The following SH3GL3 variants were observed in gnomAD, a reference collection of about 807,000 sequenced individuals.
SH3GL3 encodes endophilin-A3.
A neutral mutation model predicts 47.7 loss-of-function variants in SH3GL3; 33 were observed. The ratio of observed to expected loss-of-function variants is 0.69; its 90% CI spans 0.52 to 0.92. SH3GL3 has a LOEUF of 0.92. Among genes scored for constraint, SH3GL3 ranks in the 40% least tolerant of loss-of-function variants. The pLI, the probability that SH3GL3 is intolerant of heterozygous loss-of-function variation, is 0.00. For missense variants in SH3GL3, 363 were observed against 417.8 expected, an observed-to-expected ratio of 0.87 and a Z score of 1.14; for synonymous variants, 155 against 148.8, an observed-to-expected ratio of 1.04 and a Z score of -0.30.
At chr15:83,521,481 G>A (rs2043200510) in intron 1 of SH3GL3, among the ~76,000 whole-genome samples, 1 of 152,258 alleles carries the variant, frequency 6.6e-6, no homozygotes, top group African/African-American at 2.4e-5. Flanking sequence ...GAATGGAATG[G>A]CCCAGGAGAT....
At chr15:83,486,841 C>A (rs780427477) in intron 1 of SH3GL3, among the ~76,000 whole-genome samples, 20 of 152,168 alleles carry the variant, frequency 1.3e-4, no homozygotes, top group African/African-American at 4.8e-4. Context: ...GGAAAGGGCC[C>A]GCTTCCTGGC....
chr15:83,565,148 CA>C lies in SH3GL3; in HGVS notation c.131del (p.Asn44IlefsTer25), dbSNP rs1409181405. On this transcript the variant is annotated frameshift_variant, in exon 3 of 9. Transcript: ENST00000427482. LOFTEE classifies it high-confidence loss of function. ...TTGCTTTTAAGAAAATAGATGTTAC[CA>C]ATAAAGTTGTTGCAGAAATTCTTTC... is the stretch of plus-strand genomic sequence containing the variant. ...LDMERKIDVTNKVVAEILSKT... is the reference protein window; with the variant it reads ...LDMERKIDVTXKVVAEILSKT... 2.6e-6 allele frequency: 4 copies of C among 1,538,318 alleles called. No individual in the cohort carries two copies.
intron 6 of SH3GL3, among the ~76,000 whole-genome samples, chr15:83,577,791 G>A (rs1012423085): frequency 2.0e-5 from 3 of 152,208 alleles, no homozygotes; most frequent in African/African-American, 7.2e-5. Context: ...TTGTATGTGA[G>A]GCCATAGGAT....
intron 5 of SH3GL3, among the ~76,000 whole-genome samples, chr15:83,573,008 G>A (rs980780139): frequency 3.3e-5 from 5 of 152,162 alleles, no homozygotes; most frequent in African/African-American, 1.2e-4. Context: ...CTTTATAGTG[G>A]ATTTCTTATT....
intron 5 of SH3GL3, among the ~76,000 whole-genome samples, chr15:83,573,059 C>G (rs1484951534): frequency 6.6e-6 from 1 of 152,122 alleles, no homozygotes; most frequent in Non-Finnish European, 1.5e-5. Context: ...ATGCGTTGCC[C>G]TGGTGGTCAT....
intron 1 of SH3GL3, among the ~76,000 whole-genome samples, chr15:83,481,672 C>G (rs551282143): frequency 2.0e-5 from 3 of 152,322 alleles, no homozygotes; most frequent in African/African-American, 4.8e-5. Flanking sequence ...TTCCCTAACC[C>G]TGTACAAAGG....
chr15:83,522,430 C>T (rs1011692229), intron 1 of SH3GL3, among the ~76,000 whole-genome samples: 8 of 152,268 alleles, frequency 5.3e-5, no homozygotes, highest in East Asian at 3.9e-4. Context: ...CTCCATCTTC[C>T]GTAAGTGCTG....
intron 1 of SH3GL3, among the ~76,000 whole-genome samples, chr15:83,530,451 G>A (rs1441112042): frequency 3.9e-5 from 6 of 152,094 alleles, no homozygotes; most frequent in Non-Finnish European, 8.8e-5. Context: ...TGTGCCTCAG[G>A]TGTTTCCTGT....
chr15:83,567,479 T>A (rs1467616688), intron 3 of SH3GL3, among the ~76,000 whole-genome samples: 1 of 151,910 alleles, frequency 6.6e-6, no homozygotes, highest in African/African-American at 2.4e-5. Flanking sequence ...GAGTAAATAC[T>A]CATTGCCTGA....
In SH3GL3 at chr15:83,604,639, T is replaced by C. The variant is rs1001301257; in HGVS notation, c.839-13443T>C. On this transcript the variant is annotated intron_variant, in intron 8 of 8. Transcript: ENST00000427482. ...GTAACACATAATAAGATAATGACAA[T>C]AGCAACTACACTTATTGGCTACTTA... Among the ~76,000 whole-genome samples, 73 of 152,208 alleles carry C rather than the reference T, an allele frequency of 4.8e-4. 1 individual carries two copies. Among genetic ancestry groups the C allele is most frequent in the African/African-American group, 1.6e-3 (68 of 41,520 alleles).
chr15:83,558,635 C>A (rs553751797), intron 1 of SH3GL3, among the ~76,000 whole-genome samples: 51 of 152,208 alleles, frequency 3.4e-4, no homozygotes, highest in Admixed American at 2.2e-3. Flanking sequence ...TCAATAAAGC[C>A]GAGGCTGAGA....
At chr15:83,459,216 C>T (rs368304094) in intron 1 of SH3GL3, among the ~76,000 whole-genome samples, 1 of 152,348 alleles carries the variant, frequency 6.6e-6, no homozygotes, top group South Asian at 2.1e-4. Flanking sequence ...GCTGCGCTGT[C>T]GGCTGATTAG....
Position 83,568,537 on chromosome 15 carries a change from G to C in SH3GL3, c.196G>C (p.Ala66Pro). The change falls in exon 4 of 9, where the codon GCT becomes CCT. Residue 66 changes from alanine to proline, a missense_variant. Ala to Pro is a conservative substitution (Grantham distance 27). Coordinates refer to ENST00000427482, the MANE Select transcript of SH3GL3 (RefSeq NM_003027.5). Reference protein sequence around the residue: ...EYLQPNPAYRAKLGMLNTVSK... With the variant: ...EYLQPNPAYRPKLGMLNTVSK... ...ATGACAATGTTTTTAAGCATACAGA[G>C]CTAAGCTAGGAATGCTGAACACTGT... 6.2e-7 allele frequency: 1 copy of C among 1,613,036 alleles called. No homozygotes were observed. The highest frequency in any genetic ancestry group is 8.5e-7 in the Non-Finnish European group (1 of 1,179,134).
intron 1 of SH3GL3, among the ~76,000 whole-genome samples, chr15:83,484,754 C>T (rs2041517561): frequency 1.3e-5 from 2 of 152,268 alleles, no homozygotes; most frequent in South Asian, 4.2e-4. Context: ...TTAGTTGATG[C>T]TCACTTTGCC....
chr15:83,479,059 C>T (rs1228543297), intron 1 of SH3GL3, among the ~76,000 whole-genome samples: 1 of 152,162 alleles, frequency 6.6e-6, no homozygotes, highest in South Asian at 2.1e-4. Context: ...CCTCTCTACC[C>T]CTCCATGATA....
chr15:83,607,576 C>T (rs756289981), intron 8 of SH3GL3, among the ~76,000 whole-genome samples: 5 of 152,020 alleles, frequency 3.3e-5, no homozygotes, highest in Non-Finnish European at 2.9e-5. Flanking sequence ...AGGGGGTGGC[C>T]GATAGTCTAC....
chr15:83,558,723 C>T (rs1299407662), intron 1 of SH3GL3, among the ~76,000 whole-genome samples: 1 of 152,112 alleles, frequency 6.6e-6, no homozygotes, highest in African/African-American at 2.4e-5. Flanking sequence ...CAGTGCCGCC[C>T]GATGAAATGT....
intron 2 of SH3GL3, among the ~76,000 whole-genome samples, chr15:83,563,215 T>C (rs1389529771): frequency 2.0e-5 from 3 of 152,226 alleles, no homozygotes; most frequent in African/African-American, 4.8e-5. Context: ...GTATGTACTT[T>C]GAATGTCGAT....
At chr15:83,608,587 C>T (rs2060587624) in intron 8 of SH3GL3, among the ~76,000 whole-genome samples, 1 of 152,156 alleles carries the variant, frequency 6.6e-6, no homozygotes, top group Non-Finnish European at 1.5e-5. Context: ...ACCAGATATG[C>T]TTGTTTGAAC....
Sources: allele counts gnomAD v4.1 joint callset (sites outside exome capture counted in the v4.1 genomes callset), GRCh38; gene constraint gnomAD v4.1.1; transcripts MANE v1.5; gene names NCBI Gene and HGNC (gene_info 2026-07-23, HGNC 2026-07-21).